Variants in DEFB134 observed in about 807,000 individuals in gnomAD.
The protein encoded by DEFB134 is defensin beta 134, also known as beta-defensin 134.
Under a neutral mutation model 7.4 loss-of-function variants are expected in DEFB134, and 7 were observed. The observed-to-expected ratio is 0.95, with a 90% CI of 0.54 to 1.79. The LOEUF is 1.79. Ranked by LOEUF, DEFB134 falls within the 40% of genes most tolerant of loss-of-function variation. The pLI, the probability that DEFB134 is intolerant of heterozygous loss-of-function variation, is 0.00. For synonymous variants in DEFB134, 33 were observed against 25.0 expected (o/e 1.32, Z -0.96); for missense variants, 105 against 74.8 (o/e 1.40, Z -1.49).
At chr8:11,998,735 G>C (rs1384283735), upstream of DEFB134, among the ~76,000 whole-genome samples, 1 of 151,972 alleles carries the variant, frequency 6.6e-6, no homozygotes, top group Non-Finnish European at 1.5e-5. Context: ...CCATACAAAA[G>C]ATTAATGAAA....
chr8:11,994,743 C>CATAAATTCATAAAT (rs1405952034), intron 1 of DEFB134, among the ~76,000 whole-genome samples: 6 of 152,120 alleles, frequency 3.9e-5, no homozygotes, highest in African/African-American at 1.4e-4. Flanking sequence ...TATTCATAAA[C>CATAAATTCATAAAT]CAATTTTTAT....
At chr8:11,999,722 C>T (rs189178972), upstream of DEFB134, among the ~76,000 whole-genome samples, 4 of 152,310 alleles carry the variant, frequency 2.6e-5, no homozygotes, top group East Asian at 5.8e-4. Context: ...TAGACCTCCC[C>T]TGGCTCAGCG....
exon 2 of DEFB134, chr8:11,993,966 ATTGG>A: frequency 6.2e-7 from 1 of 1,609,794 alleles, no homozygotes; most frequent in Non-Finnish European, 8.5e-7. Context: ...GTGGCCATTC[ATTGG>A]TTTCTTATGT....
At chr8:11,999,299 C>A (rs1429837517), upstream of DEFB134, 5 of 217,552 alleles carry the variant, frequency 2.3e-5, no homozygotes, top group Admixed American at 1.3e-4. Context: ...AGCAATCACT[C>A]TGAGAAAAAA....
upstream of DEFB134, among the ~76,000 whole-genome samples, chr8:11,997,771 G>A (rs544507252): frequency 1.3e-4 from 20 of 152,220 alleles, no homozygotes; most frequent in Admixed American, 2.6e-4. Context: ...CAATAATAAC[G>A]AAAGACATTG....
At chr8:11,994,373 G>T (rs1284342744) in intron 1 of DEFB134, among the ~76,000 whole-genome samples, 1 of 152,120 alleles carries the variant, frequency 6.6e-6, no homozygotes, top group Non-Finnish European at 1.5e-5. Flanking sequence ...GTTAAATGAG[G>T]TCATGATGGT....
At chr8:11,996,516 G>C (rs950498726), upstream of DEFB134, among the ~76,000 whole-genome samples, 1 of 152,180 alleles carries the variant, frequency 6.6e-6, no homozygotes, top group Admixed American at 6.5e-5. Context: ...TTTTCCAAAA[G>C]TACATGGAGG....
At chr8:11,996,950 A>T (rs940976120), upstream of DEFB134, among the ~76,000 whole-genome samples, 1 of 152,238 alleles carries the variant, frequency 6.6e-6, no homozygotes, top group African/African-American at 2.4e-5. Context: ...TTCAAACAGT[A>T]AAGTGTACAA....
At chr8:11,998,559 T>A (rs747918263), upstream of DEFB134, among the ~76,000 whole-genome samples, 2 of 152,050 alleles carry the variant, frequency 1.3e-5, no homozygotes, top group African/African-American at 4.8e-5. Context: ...AAGAGGAACA[T>A]TTATAGCATG....
chr8:11,997,459 T>G (rs1436822271), upstream of DEFB134, among the ~76,000 whole-genome samples: 3 of 152,178 alleles, frequency 2.0e-5, no homozygotes, highest in Non-Finnish European at 4.4e-5. Flanking sequence ...GGGCCACAGC[T>G]GTATGTTGTC....
chr8:11,996,511 C>T (rs1371726082), upstream of DEFB134, among the ~76,000 whole-genome samples: 2 of 152,142 alleles, frequency 1.3e-5, no homozygotes, highest in African/African-American at 2.4e-5. Context: ...CCAGGTTTTC[C>T]AAAAGTACAT....
Position 11,996,113 on chromosome 8 carries a change from T to C in DEFB134, c.58+81A>G, listed in dbSNP as rs551471838. 1,243 of 1,515,708 alleles carry C rather than the reference T, an allele frequency of 8.2e-4. 1 individual carries two copies. The highest frequency in any genetic ancestry group is 1.0e-3 in the Non-Finnish European group (1,096 of 1,095,484). 93.9% of individuals were successfully genotyped at this position (1,515,708 alleles called of 1,614,324 possible). ...GCTTGAAAATTAAAGGGCCCATGGGTGGTGTATGTTTATTGGGTTGTTTAG... is the reference window on the plus strand; with the variant it reads ...GCTTGAAAATTAAAGGGCCCATGGGCGGTGTATGTTTATTGGGTTGTTTAG... On this transcript the variant is annotated intron_variant, in intron 1 of 1. Coordinates refer to ENST00000526438, the Ensembl canonical transcript of DEFB134.
upstream of DEFB134, among the ~76,000 whole-genome samples, chr8:11,999,863 T>C (rs2150561920): frequency 6.6e-6 from 1 of 152,338 alleles, no homozygotes; most frequent in South Asian, 2.1e-4. Flanking sequence ...TTTCTTTTCA[T>C]CCATATATTC....
chr8:11,994,260 T>C (rs1800060403), intron 1 of DEFB134, 138 bp from the exon 3 acceptor site: 3 of 1,079,826 alleles, frequency 2.8e-6, no homozygotes, highest in Non-Finnish European at 3.9e-6. Context: ...AAAAAATTAA[T>C]TAGTGGTAGG....
chr8:11,999,472 T>C (rs187797854), upstream of DEFB134: 1 of 153,280 alleles, frequency 6.5e-6, no homozygotes, highest in Non-Finnish European at 1.5e-5. Flanking sequence ...GCAAAAATAA[T>C]GTTGCTTACA....
intron 1 of DEFB134, among the ~76,000 whole-genome samples, chr8:11,994,708 T>G (rs6601646): frequency 0.33 from 49,647 of 152,098 alleles, 8,449 homozygotes; most frequent in African/African-American, 0.4. Context: ...ATTCATTATT[T>G]TTTAAATAAT....
At chr8:11,997,498 C>G (rs1460283861), upstream of DEFB134, among the ~76,000 whole-genome samples, 2 of 152,190 alleles carry the variant, frequency 1.3e-5, no homozygotes, top group African/African-American at 2.4e-5. Flanking sequence ...CAATGACATT[C>G]ATAGCCTCAA....
upstream of DEFB134, among the ~76,000 whole-genome samples, chr8:11,999,761 G>C (rs1800223734): frequency 6.6e-6 from 1 of 152,162 alleles, no homozygotes; most frequent in African/African-American, 2.4e-5. Flanking sequence ...CCACGAGTTG[G>C]GAGCTGACCT....
exon 2 of DEFB134, chr8:11,993,847 G>A: frequency 1.7e-6 from 2 of 1,203,482 alleles, no homozygotes; most frequent in Non-Finnish European, 2.2e-6. Flanking sequence ...GAGTCTGCTG[G>A]CCTATAAAAA....
Sources: gnomAD v4.1 joint callset for allele counts (sites outside exome capture counted in the v4.1 genomes callset) on GRCh38, gnomAD v4.1.1 for gene constraint, MANE v1.5 for transcripts, NCBI Gene and HGNC (gene_info 2026-07-23, HGNC 2026-07-21) for gene names.